Variants in FSTL4 observed in about 807,000 individuals in gnomAD.
FSTL4 encodes follistatin-related protein 4.
A neutral mutation model predicts 78.2 loss-of-function variants in FSTL4; 28 were observed. That is an observed-to-expected ratio of 0.36 (90% confidence interval 0.27 to 0.49). FSTL4 has a LOEUF of 0.49. Among genes scored for constraint, FSTL4 ranks in the 20% least tolerant of loss-of-function variants. The pLI is 0.98. For missense variants in FSTL4, 922 were observed against 1,084.9 expected (o/e 0.85, Z 2.11); for synonymous variants, 422 against 440.5 (o/e 0.96, Z 0.53).
chr5:133,724,884 C>T, the FSTL4 span, among the ~76,000 whole-genome samples: 1 of 152,148 alleles, frequency 6.6e-6, no homozygotes, highest in Non-Finnish European at 1.5e-5. Flanking sequence ...TTCGAGTTGA[C>T]TTTTGTGCAT....
At chr5:133,784,053 G>A in the FSTL4 span, among the ~76,000 whole-genome samples, 1 of 152,232 alleles carries the variant, frequency 6.6e-6, no homozygotes, top group Admixed American at 6.5e-5. Context: ...GACATCAGTA[G>A]GTTCAGCTGC....
rs995159152 is a variant in FSTL4 at position 133,224,126 on chromosome 5, C to T, written c.1339+64G>A. 65 of 1,330,526 alleles carry T rather than the reference C, an allele frequency of 4.9e-5. 2 individuals carry two copies. Among genetic ancestry groups the T allele is most frequent in the South Asian group, 4.8e-4 (38 of 79,626 alleles). The allele number at this position is 1,330,526 out of a possible 1,614,324, so 82.4% of individuals were successfully genotyped here. A position where few individuals can be genotyped will look rare whatever the true frequency, so the allele number is the denominator to read the frequency against. On this transcript the variant is annotated intron_variant, in intron 11 of 15. Coordinates refer to ENST00000265342, the MANE Select transcript of FSTL4 (RefSeq NM_015082.2). ...AAGCTGGTGGCAGATCATGGAAAGA[C>T]GGCCCATCATAGAACCAAACACACG...
chr5:133,203,945 C>A (rs181445024), intron 14 of FSTL4, among the ~76,000 whole-genome samples: 1 of 147,868 alleles, frequency 6.8e-6, no homozygotes, highest in Non-Finnish European at 1.5e-5. Flanking sequence ...TGTGTCCTGA[C>A]ACACAGCTGG....
At chr5:133,418,113 G>T (rs998949485) in intron 3 of FSTL4, among the ~76,000 whole-genome samples, 1 of 150,762 alleles carries the variant, frequency 6.6e-6, no homozygotes, top group Non-Finnish European at 1.5e-5. Context: ...GTAAGGAAAA[G>T]ACATCACTAA....
chr5:133,805,018 T>A, the FSTL4 span, among the ~76,000 whole-genome samples: 1 of 150,726 alleles, frequency 6.6e-6, no homozygotes, highest in African/African-American at 2.4e-5. Flanking sequence ...CTTCTCCTAA[T>A]GCCACCTCTC....
At chr5:133,606,575 A>C (rs749130661) in intron 1 of FSTL4, among the ~76,000 whole-genome samples, 2 of 152,224 alleles carry the variant, frequency 1.3e-5, no homozygotes, top group Non-Finnish European at 2.9e-5. Flanking sequence ...TTAAGCTAGA[A>C]CTAGAAAGAC....
chr5:133,591,224 C>A (rs978040991), intron 2 of FSTL4, among the ~76,000 whole-genome samples: 12 of 152,128 alleles, frequency 7.9e-5, no homozygotes, highest in Non-Finnish European at 1.8e-4. Context: ...AGCTGCCCAG[C>A]CACAGACAGG....
At chr5:133,784,165 A>G in the FSTL4 span, among the ~76,000 whole-genome samples, 1,895 of 152,070 alleles carry the variant, frequency 0.012, 31 homozygotes, top group African/African-American at 0.043. Flanking sequence ...AGCTATTGTC[A>G]TTAATGATAG....
At chr5:133,491,299 G>A (rs1267018169) in intron 3 of FSTL4, among the ~76,000 whole-genome samples, 1 of 151,906 alleles carries the variant, frequency 6.6e-6, no homozygotes. Flanking sequence ...ATTATTATGT[G>A]TTCCCAGTGA....
In FSTL4 at chr5:133,589,130, C is replaced by G. The variant is rs1366454677; in HGVS notation, c.126+14728G>C. Among the ~76,000 whole-genome samples, 4 of 47,518 alleles carry G rather than the reference C, an allele frequency of 8.4e-5. 1 individual carries two copies. The allele number at this position is 47,518 out of a possible 152,430, so 31.2% of individuals were successfully genotyped here. A position where few individuals can be genotyped will look rare whatever the true frequency, so the allele number is the denominator to read the frequency against. On this transcript the variant is annotated intron_variant, in intron 2 of 15. Coordinates refer to ENST00000265342, the MANE Select transcript of FSTL4 (RefSeq NM_015082.2). ...GAAGGGGAATATCACACTCTGGGGA[C>G]TGTGGTGGGGTCGGGGGAGGGGGGA...
intron 4 of FSTL4, among the ~76,000 whole-genome samples, chr5:133,375,313 A>ATATATATATATATATATAT (rs1354744825): frequency 5.1e-4 from 16 of 31,116 alleles, no homozygotes; most frequent in African/African-American, 1.1e-3. Context: ...TATATATATA[A>ATATATATATATATATATAT]AAGACTCTAA....
the FSTL4 span, among the ~76,000 whole-genome samples, chr5:133,628,653 C>A: frequency 1.1e-4 from 17 of 151,964 alleles, no homozygotes; most frequent in African/African-American, 3.9e-4. Flanking sequence ...AGCTGCCGTG[C>A]CCAGCCACCA....
chr5:133,260,708 G>C (rs1752499631), intron 6 of FSTL4, among the ~76,000 whole-genome samples: 2 of 152,258 alleles, frequency 1.3e-5, no homozygotes, highest in African/African-American at 4.8e-5. Context: ...GGGCTCACCT[G>C]AGAAGCTCTT....
chr5:133,751,553 A>G, the FSTL4 span, among the ~76,000 whole-genome samples: 2 of 152,338 alleles, frequency 1.3e-5, no homozygotes, highest in South Asian at 2.1e-4. Flanking sequence ...TCATCTAGCC[A>G]TATTGAACAG....
intron 6 of FSTL4, among the ~76,000 whole-genome samples, chr5:133,304,342 G>A (rs533147651): frequency 1.9e-4 from 29 of 152,072 alleles, no homozygotes; most frequent in South Asian, 6.2e-4. Flanking sequence ...GCTTTATGAT[G>A]TCAGGCTGGG....
chr5:133,239,097 C>T (rs1246863058), intron 7 of FSTL4, among the ~76,000 whole-genome samples: 1 of 152,208 alleles, frequency 6.6e-6, no homozygotes, highest in African/African-American at 2.4e-5. Context: ...TGCCAGCCGG[C>T]AAGCCCCGGG....
At chr5:133,312,364 G>A in intron 6 of FSTL4, 1 of 376,778 alleles carries the variant, frequency 2.7e-6, no homozygotes, top group African/African-American at 2.1e-5. Context: ...AACCCCCAAA[G>A]GGTGTTCACA....
chr5:133,206,837 C>CAAT (rs1750525675), intron 14 of FSTL4, among the ~76,000 whole-genome samples: 1 of 151,950 alleles, frequency 6.6e-6, no homozygotes, highest in African/African-American at 2.4e-5. Flanking sequence ...TGTTCTCTTT[C>CAAT]AATTTCTTAA....
the FSTL4 span, among the ~76,000 whole-genome samples, chr5:133,642,439 C>T: frequency 6.6e-6 from 1 of 152,168 alleles, no homozygotes; most frequent in African/African-American, 2.4e-5. Context: ...CTTCTGTGAG[C>T]TGTCTGATCT....
Sources: allele counts gnomAD v4.1 joint callset (sites outside exome capture counted in the v4.1 genomes callset), GRCh38; gene constraint gnomAD v4.1.1; transcripts MANE v1.5; gene names NCBI Gene and HGNC (gene_info 2026-07-23, HGNC 2026-07-21).